CCDC171: variants seen among roughly 807,000 people sequenced by gnomAD.
The protein encoded by CCDC171 is coiled-coil domain containing 171.
CCDC171 carries 177 observed loss-of-function variants against 168.2 expected under a neutral mutation model. The ratio of observed to expected loss-of-function variants is 1.05; its 90% confidence interval spans 0.93 to 1.19. The LOEUF is 1.19. Among genes scored for constraint, CCDC171 ranks in the 50% most tolerant of loss-of-function variants. CCDC171 has a pLI of 0.00. For synonymous variants in CCDC171, 687 were observed against 540.8 expected (o/e 1.27, Z -3.75); for missense variants, 1,991 against 1,539.0 (o/e 1.29, Z -4.91).
At chr9:15,591,200 A>G (rs2041985283) in intron 4 of CCDC171, among the ~76,000 whole-genome samples, 166 bp from the exon 5 acceptor site, 1 of 152,130 alleles carries the variant, frequency 6.6e-6, no homozygotes, top group South Asian at 2.1e-4. Context: ...GCTTTTCAAG[A>G]ATTTACCGGA....
intron 3 of CCDC171, among the ~76,000 whole-genome samples, chr9:16,017,600 CTTAAT>C (rs1833058393): frequency 1.3e-5 from 2 of 152,084 alleles, no homozygotes; most frequent in African/African-American, 4.8e-5. Context: ...AAAGCTTATA[CTTAAT>C]TTGTTTTTCA....
chr9:16,107,546 G>C, the CCDC171 span, among the ~76,000 whole-genome samples: 3 of 151,842 alleles, frequency 2.0e-5, no homozygotes, highest in Admixed American at 2.0e-4. Context: ...AAATGTGTGT[G>C]TGTATCACAC....
intron 25 of CCDC171, among the ~76,000 whole-genome samples, chr9:15,967,816 T>C (rs998450059): frequency 3.9e-5 from 6 of 152,218 alleles, no homozygotes; most frequent in African/African-American, 1.4e-4. Flanking sequence ...TCACTTTTTA[T>C]AATACTAAAT....
At chr9:15,630,230 G>T (rs1358970224) in intron 7 of CCDC171, among the ~76,000 whole-genome samples, 1 of 152,114 alleles carries the variant, frequency 6.6e-6, no homozygotes, top group African/African-American at 2.4e-5. Flanking sequence ...GACACAGACT[G>T]GCAAATTGGA....
intron 4 of CCDC171, among the ~76,000 whole-genome samples, chr9:15,583,159 G>C (rs905232865): frequency 1.3e-5 from 2 of 152,156 alleles, no homozygotes; most frequent in Admixed American, 6.5e-5. Flanking sequence ...GCTCACGCCT[G>C]TAATCCCAGC....
intron 21 of CCDC171, 117 bp downstream of exon 21, chr9:15,784,811 TGAGG>T: frequency 8.0e-6 from 6 of 753,966 alleles, no homozygotes; most frequent in Non-Finnish European, 8.3e-6. Context: ...TTTTATTCTA[TGAGG>T]ATAGAATGAA....
At chr9:15,641,314 T>C (rs966007339) in intron 7 of CCDC171, among the ~76,000 whole-genome samples, 10 of 152,220 alleles carry the variant, frequency 6.6e-5, no homozygotes, top group Non-Finnish European at 1.0e-4. Context: ...TTGATGTCTA[T>C]TTTGGTGGAC....
At chr9:16,017,154 A>G (rs1833046856) in intron 3 of CCDC171, among the ~76,000 whole-genome samples, 1 of 152,184 alleles carries the variant, frequency 6.6e-6, no homozygotes, top group Non-Finnish European at 1.5e-5. Context: ...TTTAATTTTA[A>G]AAATTAAGGA....
intron 18 of CCDC171, among the ~76,000 whole-genome samples, chr9:15,753,517 C>T (rs1166645262): frequency 1.3e-5 from 2 of 152,078 alleles, no homozygotes; most frequent in Non-Finnish European, 2.9e-5. Context: ...CAGTAATTTC[C>T]TCTGAGCACA....
chr9:15,914,021 G>A (rs952649030), intron 24 of CCDC171, among the ~76,000 whole-genome samples: 7 of 152,164 alleles, frequency 4.6e-5, no homozygotes, highest in South Asian at 2.1e-4. Flanking sequence ...TGGAAGCTTC[G>A]TCCCAGAGGG....
chr9:16,027,690 A>G (rs1419804335), intron 6 of CCDC171, among the ~76,000 whole-genome samples: 3 of 152,208 alleles, frequency 2.0e-5, no homozygotes, highest in Non-Finnish European at 2.9e-5. Flanking sequence ...TAATCAGGAC[A>G]TTGTTTGCAT....
At chr9:15,699,711 T>C (rs932331979) in intron 11 of CCDC171, among the ~76,000 whole-genome samples, 4 of 152,042 alleles carry the variant, frequency 2.6e-5, no homozygotes, top group African/African-American at 9.7e-5. Context: ...ATTGGTGTGT[T>C]TACAAACCTT....
chr9:15,689,718 A>G (rs2050653732), intron 10 of CCDC171, among the ~76,000 whole-genome samples: 1 of 152,168 alleles, frequency 6.6e-6, no homozygotes, highest in African/African-American at 2.4e-5. Flanking sequence ...CTCAAAAGAA[A>G]TATAAGGGAC....
chr9:15,603,127 G>A (rs1284403100), intron 6 of CCDC171, among the ~76,000 whole-genome samples: 6 of 151,610 alleles, frequency 4.0e-5, no homozygotes, highest in African/African-American at 1.2e-4. Context: ...GCCTACAGGC[G>A]CCCGTCACCA....
At chr9:15,707,467 T>C (rs748543296) in intron 11 of CCDC171, among the ~76,000 whole-genome samples, 20 of 152,380 alleles carry the variant, frequency 1.3e-4, no homozygotes, top group Non-Finnish European at 2.6e-4. Flanking sequence ...ATAGTTGGAA[T>C]AAAGTGAGAC....
At chr9:15,646,318 G>A (rs143771656) in intron 7 of CCDC171, among the ~76,000 whole-genome samples, 162 of 152,162 alleles carry the variant, frequency 1.1e-3, no homozygotes, top group Middle Eastern at 3.4e-3. Context: ...GACCATCCAT[G>A]CTAGGAAGGA....
chr9:15,943,933 G>A (rs10810488), intron 25 of CCDC171, among the ~76,000 whole-genome samples: 46,553 of 151,828 alleles, frequency 0.31, 8,938 homozygotes, highest in East Asian at 0.61. Flanking sequence ...GCTTGATTTT[G>A]AAGGAATGAT....
chr9:15,562,304 C>T (rs1239986982), intron 1 of CCDC171, among the ~76,000 whole-genome samples: 1 of 151,980 alleles, frequency 6.6e-6, no homozygotes, highest in Admixed American at 6.6e-5. Context: ...TGACACTTTG[C>T]TTCTTTAAGG....
At chr9:15,708,967 T>C (rs1481452971) in intron 11 of CCDC171, among the ~76,000 whole-genome samples, 1 of 152,214 alleles carries the variant, frequency 6.6e-6, no homozygotes, top group Non-Finnish European at 1.5e-5. Flanking sequence ...TACTCTTTTT[T>C]TTCATTTAAA....
Sources: gnomAD v4.1 joint callset for allele counts (sites outside exome capture counted in the v4.1 genomes callset) on GRCh38, gnomAD v4.1.1 for gene constraint, MANE v1.5 for transcripts, NCBI Gene and HGNC (gene_info 2026-07-23, HGNC 2026-07-21) for gene names.